Variants in SYNE2 observed in about 807,000 individuals in gnomAD.
SYNE2 encodes spectrin repeat containing nuclear envelope protein 2.
Under a neutral mutation model 856.3 loss-of-function variants are expected in SYNE2, and 431 were observed. That is an observed-to-expected ratio of 0.50 (90% CI 0.47 to 0.55). The LOEUF (loss-of-function observed/expected upper bound fraction) is 0.55. SYNE2 is among the 20% of genes least tolerant of loss of function. The pLI is 0.00. For synonymous variants in SYNE2, 2,923 were observed against 2,872.3 expected (o/e 1.02, Z -0.56); for missense variants, 8,129 against 8,023.2 (o/e 1.01, Z -0.50).
chr14:64,033,121 T>C (rs2097054804), intron 45 of SYNE2, among the ~76,000 whole-genome samples: 1 of 152,206 alleles, frequency 6.6e-6, no homozygotes, highest in Non-Finnish European at 1.5e-5. Context: ...TGAGCCATGA[T>C]TGTGTCACTG....
rs1342034646 is a variant in SYNE2, at chr14:64,125,196, A to T, written c.13540A>T (p.Asn4514Tyr). ...QLEDLRQEASNLQTQENMTEE... is the reference protein window; with the variant it reads ...QLEDLRQEASYLQTQENMTEE... The stretch of plus-strand genomic sequence containing the variant: ...TGAAGACCTGCGCCAAGAAGCAAGT[A>T]ACCTTCAGACACAGGTAGAAGCTGC... The change falls in exon 71 of 116, where the codon AAC becomes TAC. Residue 4514 changes from asparagine to tyrosine, a missense_variant. Physicochemically the swap from Asn to Tyr is moderately radical, Grantham distance 143. Coordinates refer to ENST00000555002, the MANE Select transcript of SYNE2 (RefSeq NM_182914.3). The T allele has an allele frequency of 6.2e-7, 1 of 1,614,062 alleles. No homozygotes were observed. The highest frequency in any genetic ancestry group is 8.5e-7 in the Non-Finnish European group (1 of 1,180,036).
At chr14:63,839,996 C>T (rs12878348) in intron 1 of SYNE2, among the ~76,000 whole-genome samples, 9,147 of 152,240 alleles carry the variant, frequency 0.06, 307 homozygotes, top group Admixed American at 0.1. Context: ...GGGCCGGGCA[C>T]GGTGGCTCAC....
intron 2 of SYNE2, among the ~76,000 whole-genome samples, chr14:63,932,536 G>A (rs1279708299): frequency 1.3e-5 from 2 of 150,352 alleles, no homozygotes; most frequent in Non-Finnish European, 1.5e-5. Flanking sequence ...GCAAAACCCC[G>A]CCTCCATAAA....
At chr14:64,033,715 A>C (rs1367549845) in intron 45 of SYNE2, among the ~76,000 whole-genome samples, 1 of 152,134 alleles carries the variant, frequency 6.6e-6, no homozygotes, top group African/African-American at 2.4e-5. Context: ...GGTTTAAAAA[A>C]TTTATTATGC....
chr14:64,116,387 C>T (rs931372159), intron 66 of SYNE2, among the ~76,000 whole-genome samples: 5 of 152,140 alleles, frequency 3.3e-5, no homozygotes, highest in East Asian at 1.9e-4. Context: ...CAGTTGTCAA[C>T]ATATAAGCTG....
At chr14:63,951,570 T>C (rs2096160380) in intron 7 of SYNE2, among the ~76,000 whole-genome samples, 1 of 152,250 alleles carries the variant, frequency 6.6e-6, no homozygotes, top group African/African-American at 2.4e-5. Context: ...CCCAAAGTGC[T>C]GTGATTACAG....
intron 1 of SYNE2, among the ~76,000 whole-genome samples, chr14:63,885,102 C>T (rs562968602): frequency 6.6e-6 from 1 of 152,252 alleles, no homozygotes; most frequent in Non-Finnish European, 1.5e-5. Flanking sequence ...CAGTGAACCA[C>T]CTTACTCAAA....
At chr14:63,814,661 TATATATCCATATATATCC>T (rs1888779988) in intron 1 of SYNE2, among the ~76,000 whole-genome samples, 1 of 57,576 alleles carries the variant, frequency 1.7e-5, no homozygotes, top group African/African-American at 5.4e-5. Context: ...ATAATCCTTA[TATATATCCATATATATCC>T]ATATATATCC....
intron 16 of SYNE2, 146 bp downstream of exon 16, chr14:63,981,319 T>C (rs2096583925): frequency 1.4e-5 from 10 of 726,722 alleles, no homozygotes; most frequent in Non-Finnish European, 2.3e-5. Context: ...AGAATTTAGT[T>C]TCTTCCTGAT....
At chr14:64,158,508 G>T in intron 85 of SYNE2, 117 bp from the exon 86 acceptor site, 1 of 1,099,660 alleles carries the variant, frequency 9.1e-7, no homozygotes. Flanking sequence ...GTTAATCACT[G>T]GTGATCCTTC....
chr14:63,974,876 GTGTGTGTGTGTGTGTGTA>G (rs1330255530), intron 11 of SYNE2, among the ~76,000 whole-genome samples: 10 of 30,986 alleles, frequency 3.2e-4, no homozygotes, highest in African/African-American at 5.4e-4. Flanking sequence ...GTGTGTGTGT[GTGTGTGTGTGTGTGTGTA>G]TATATATATA....
chr14:64,163,341 G>A (rs778656123), intron 88 of SYNE2, 61 bp from the exon 89 acceptor site: 23 of 1,581,866 alleles, frequency 1.5e-5, no homozygotes, highest in South Asian at 8.9e-5. Context: ...GAGCAGCAGC[G>A]GGTAGGGAAT....
At chr14:64,191,512 C>A (rs949832164) in intron 99 of SYNE2, among the ~76,000 whole-genome samples, 8 of 152,108 alleles carry the variant, frequency 5.3e-5, no homozygotes, top group Admixed American at 2.0e-4. Context: ...CAAACAGGTA[C>A]AGAATAGAGC....
chr14:64,133,043 AT>A (rs2098040068), intron 77 of SYNE2, among the ~76,000 whole-genome samples: 1 of 137,258 alleles, frequency 7.3e-6, no homozygotes, highest in Non-Finnish European at 1.5e-5. Context: ...TCTACTAAAA[AT>A]ACAAAAAAAA....
At chr14:63,903,295 T>C (rs1003400158) in intron 1 of SYNE2, among the ~76,000 whole-genome samples, 5 of 152,232 alleles carry the variant, frequency 3.3e-5, no homozygotes, top group Admixed American at 6.5e-5. Flanking sequence ...GGTTTTACTT[T>C]TGATAGACAT....
intron 109 of SYNE2, 61 bp downstream of exon 109, chr14:64,218,573 A>G (rs2098677875): frequency 4.0e-6 from 6 of 1,502,284 alleles, no homozygotes; most frequent in East Asian, 2.3e-5. Flanking sequence ...GTCCTTGCTC[A>G]AGAGAACATT....
chr14:64,010,192 T>G (rs1441476110), intron 32 of SYNE2, 76 bp downstream of exon 32: 66 of 1,454,664 alleles, frequency 4.5e-5, no homozygotes, highest in African/African-American at 7.1e-5. Context: ...ATATTATAGA[T>G]TAAGTCTTTT....
intron 66 of SYNE2, among the ~76,000 whole-genome samples, chr14:64,117,817 A>G (rs879665081): frequency 8.5e-5 from 13 of 152,194 alleles, no homozygotes; most frequent in Non-Finnish European, 1.3e-4. Context: ...TCTACTAAGT[A>G]ACTAATGAGC....
intron 1 of SYNE2, among the ~76,000 whole-genome samples, chr14:63,789,498 C>T (rs1216495035): frequency 6.6e-6 from 1 of 152,128 alleles, no homozygotes; most frequent in African/African-American, 2.4e-5. Context: ...GAAGTAGAAT[C>T]TGGCCGGGCG....
Sources: gnomAD v4.1 joint callset for allele counts (sites outside exome capture counted in the v4.1 genomes callset) on GRCh38, gnomAD v4.1.1 for gene constraint, MANE v1.5 for transcripts, NCBI Gene and HGNC (gene_info 2026-07-23, HGNC 2026-07-21) for gene names.